The following MRPL52 variants were observed in gnomAD, a reference collection of about 807,000 sequenced individuals.
MRPL52 encodes mitochondrial ribosomal protein L52.
In MRPL52, 19 loss-of-function variants were observed where a neutral mutation model predicts 22.1. That is an observed-to-expected ratio of 0.86 (90% CI 0.60 to 1.26). MRPL52 has a LOEUF of 1.26. Among genes scored for constraint, MRPL52 ranks in the 50% most tolerant of loss-of-function variants. The probability of loss-of-function intolerance (pLI) is 0.00; values close to 1 mark genes in which losing one functional copy is unlikely to be tolerated. For synonymous variants in MRPL52, 50 were observed against 57.5 expected (o/e 0.87, Z 0.59); for missense variants, 152 against 148.1 (o/e 1.03, Z -0.14).
chr14:22,833,505 A>AG (rs553925588), intron 4 of MRPL52, 23 bp downstream of exon 4: 7 of 1,577,408 alleles, frequency 4.4e-6, no homozygotes, highest in Non-Finnish European at 6.1e-6. Context: ...AGCAACAGCC[A>AG]GGGCTACCTG....
At position 22,831,001 on chromosome 14, in the gene MRPL52, G is replaced by A. The variant is rs866807968; in HGVS notation, c.154+747G>A. 3.3e-6 allele frequency: 5 copies of A among 1,526,582 alleles called. No individual in the cohort carries two copies. In the Middle Eastern group the frequency reaches 8.4e-4, roughly 256 times the overall value. 94.6% of individuals were successfully genotyped at this position (1,526,582 alleles called of 1,614,324 possible). On this transcript the variant is annotated intron_variant, in intron 3 of 4. Coordinates refer to ENST00000397496, the MANE Select transcript of MRPL52 (RefSeq NM_180982.3). ...GCTTAATTGGATAATTGGTGACTGAGGAAGATGGTGAAGATTTTTTCTACT... is the reference window on the plus strand; with the variant it reads ...GCTTAATTGGATAATTGGTGACTGAAGAAGATGGTGAAGATTTTTTCTACT...
intron 1 of MRPL52, 23 bp downstream of exon 1, chr14:22,829,963 C>T (rs1188943263): frequency 1.9e-6 from 3 of 1,611,692 alleles, no homozygotes; most frequent in Non-Finnish European, 2.5e-6. Flanking sequence ...AGATAGGGAC[C>T]GTGGACTCGG....
intron 3 of MRPL52, among the ~76,000 whole-genome samples, chr14:22,832,961 C>T (rs1027031612): frequency 1.1e-4 from 17 of 151,986 alleles, no homozygotes; most frequent in Non-Finnish European, 2.2e-4. Context: ...AGGTGGATCA[C>T]GAGGTCAAGA....
intron 3 of MRPL52, chr14:22,831,399 C>G (rs764471637): frequency 1.1e-5 from 2 of 176,016 alleles, no homozygotes; most frequent in Non-Finnish European, 2.4e-5. Context: ...CAGGCATGAG[C>G]CACCACGCCC....
chr14:22,830,111 G>A lies in MRPL52; in HGVS notation c.86+1G>A, dbSNP rs769504584. On this transcript the variant is annotated splice_donor_variant, in intron 2 of 4. Coordinates refer to ENST00000397496, the MANE Select transcript of MRPL52 (RefSeq NM_180982.3). LOFTEE classifies it high-confidence loss of function. ...GGGCGGGCGGCCAGTGGCGACTACA[G>A]TGAGTCCTGGGATGAGGGCACCTGG... 6.2e-7 allele frequency: 1 copy of A among 1,614,240 alleles called. No individual in the cohort carries two copies. The highest frequency in any genetic ancestry group is 8.5e-7 in the Non-Finnish European group (1 of 1,180,030).
intron 3 of MRPL52, 117 bp from the exon 4 acceptor site, chr14:22,833,301 T>C (rs2039663831): frequency 2.8e-6 from 2 of 703,704 alleles, no homozygotes; most frequent in African/African-American, 3.5e-5. Context: ...CTACAATGTA[T>C]ATGAAATGGA....
chr14:22,831,432 T>G (rs1455611474), intron 3 of MRPL52: 1 of 157,980 alleles, frequency 6.3e-6, no homozygotes, highest in Non-Finnish European at 1.4e-5. Flanking sequence ...TTATTCTTAA[T>G]CCAGGCTTCC....
chr14:22,833,536 T>C (rs767300375), intron 4 of MRPL52, 54 bp downstream of exon 4: 2 of 1,360,628 alleles, frequency 1.5e-6, no homozygotes, highest in Admixed American at 3.4e-5. Flanking sequence ...ATTTAAATCA[T>C]AATTTGTCTT....
At chr14:22,833,007 G>T (rs1304355185) in intron 3 of MRPL52, among the ~76,000 whole-genome samples, 3 of 151,686 alleles carry the variant, frequency 2.0e-5, no homozygotes, top group Non-Finnish European at 4.4e-5. Flanking sequence ...GTGAAATCCC[G>T]TCTCTACTAA....
intron 4 of MRPL52, among the ~76,000 whole-genome samples, chr14:22,833,943 C>A (rs2039681643): frequency 6.6e-6 from 1 of 152,168 alleles, no homozygotes; most frequent in African/African-American, 2.4e-5. Flanking sequence ...TTTAATAGCA[C>A]TGTGAGAAGG....
chr14:22,832,269 G>A (rs2039637854), intron 3 of MRPL52, among the ~76,000 whole-genome samples: 1 of 152,136 alleles, frequency 6.6e-6, no homozygotes, highest in Admixed American at 6.5e-5. Context: ...ATTTCATTGT[G>A]GAGTGGGATG....
Sources: gnomAD v4.1 joint callset for allele counts (sites outside exome capture counted in the v4.1 genomes callset) on GRCh38, gnomAD v4.1.1 for gene constraint, MANE v1.5 for transcripts, NCBI Gene and HGNC (gene_info 2026-07-23, HGNC 2026-07-21) for gene names.